Variants in PSD4 observed in about 807,000 individuals in gnomAD.
PSD4 encodes the protein PH and SEC7 domain-containing protein 4.
A neutral mutation model predicts 112.5 loss-of-function variants in PSD4; 59 were observed. That is an observed-to-expected ratio of 0.52 (90% confidence interval 0.43 to 0.65). PSD4 has a LOEUF of 0.65. Ranked by LOEUF, PSD4 falls within the 30% of genes least tolerant of loss-of-function variation. PSD4 has a pLI of 0.00. For missense variants in PSD4, 1,267 were observed against 1,352.6 expected (o/e 0.94, Z 0.99); for synonymous variants, 533 against 540.0 (o/e 0.99, Z 0.18).
intron 1 of PSD4, among the ~76,000 whole-genome samples, chr2:113,174,535 G>T (rs1032179308): frequency 1.2e-4 from 18 of 152,122 alleles, no homozygotes; most frequent in Non-Finnish European, 2.2e-4. Context: ...GGAAGGCCTG[G>T]GTTTGGGGTG....
In PSD4 at chr2:113,201,103, T is replaced by G; in HGVS notation, c.2914-55T>G. ...TGAGCTGTCCCTCACGATTCTAGCCTCCTCCCAACCTGGAGCCAGGATGGT... is the reference window on the plus strand; with the variant it reads ...TGAGCTGTCCCTCACGATTCTAGCCGCCTCCCAACCTGGAGCCAGGATGGT... On this transcript the variant is annotated intron_variant, in intron 16 of 16. Coordinates refer to ENST00000245796, the MANE Select transcript of PSD4 (RefSeq NM_012455.3). 2.6e-6 allele frequency: 4 copies of G among 1,553,686 alleles called. No homozygotes were observed. In the Admixed American group the frequency reaches 7.4e-5, roughly 29 times the overall value.
In PSD4 at chr2:113,182,426, G is replaced by A. The variant is rs370137021; in HGVS notation, c.-31G>A. On this transcript the variant is annotated 5_prime_UTR_variant, in exon 2 of 17. Coordinates refer to ENST00000245796, the MANE Select transcript of PSD4 (RefSeq NM_012455.3). ...GTGAGACCGTGAAAGCAGATGCTCC[G>A]GGGCACTCCTGGGCAGCTTTTGCTC... 2.5e-5 allele frequency: 39 copies of A among 1,555,466 alleles called. No individual in the cohort carries two copies. In the African/African-American group the frequency reaches 3.7e-4, roughly 15 times the overall value.
chr2:113,198,172 C>T (rs971532940), intron 14 of PSD4: 3 of 448,308 alleles, frequency 6.7e-6, no homozygotes, highest in African/African-American at 6.0e-5. Context: ...GGGATAAAGC[C>T]TCCCAGTTCA....
In PSD4 at chr2:113,182,442, G is replaced by C. The variant is rs201069097; in HGVS notation, c.-15G>C. On this transcript the variant is annotated 5_prime_UTR_variant, in exon 2 of 17. Coordinates refer to ENST00000245796, the MANE Select transcript of PSD4 (RefSeq NM_012455.3). Reference sequence around the variant, plus strand: ...AGATGCTCCGGGGCACTCCTGGGCAGCTTTTGCTCAGTGGATGATGGGTGA... The same window carrying C: ...AGATGCTCCGGGGCACTCCTGGGCACCTTTTGCTCAGTGGATGATGGGTGA... The C allele has an allele frequency of 4.8e-5, 77 of 1,590,362 alleles. No homozygotes were observed. The Middle Eastern group carries it at 8.4e-4, about 17-fold the overall frequency.
At chr2:113,180,949 G>A (rs1357222230) in intron 1 of PSD4, among the ~76,000 whole-genome samples, 7 of 152,006 alleles carry the variant, frequency 4.6e-5, no homozygotes, top group East Asian at 1.9e-4. Flanking sequence ...TGGGTGCAGC[G>A]GCTCACACCT....
chr2:113,197,898 A>G lies in PSD4; in HGVS notation c.2609A>G (p.Tyr870Cys). 1 of 1,587,986 alleles carries G rather than the reference A, an allele frequency of 6.3e-7. No individual in the cohort carries two copies. Residue 870 changes from tyrosine (Y) to cysteine (C), a missense_variant, in exon 14 of 17, where the codon TAC becomes TGC. Physicochemically the swap from Tyr to Cys is radical, Grantham distance 194. This residue lies in a region of PSD4 where 544 missense variants were observed against 648.6 expected (regional missense o/e 0.84). Coordinates refer to ENST00000245796, the MANE Select transcript of PSD4 (RefSeq NM_012455.3). ...FQLRTADWRL[Y>C]LFQAPTAKEM... ...CTGCGCACGGCTGACTGGCGCCTCT[A>G]CCTCTTCCAGGCACCGTAAGTCCCT...
In PSD4 at chr2:113,186,157, G is replaced by A. The variant is rs1283427212; in HGVS notation, c.1530G>A (p.Glu510=). Residue 510 remains glutamate (E), a synonymous_variant, in exon 5 of 17, where the codon GAG becomes GAA. Transcript: ENST00000245796. The part of the protein sequence containing the change: ...PSSLKKKEAG[E]APKPGEEVKS... ...CCTTGAAGAAAAAGGAGGCAGGGGAGGCCCCAAAACCAGGCGAGGAAGTAA... is the reference window on the plus strand; with the variant it reads ...CCTTGAAGAAAAAGGAGGCAGGGGAAGCCCCAAAACCAGGCGAGGAAGTAA... The A allele has an allele frequency of 1.6e-5, 26 of 1,614,058 alleles. No homozygotes were observed. The highest frequency in any genetic ancestry group is 2.1e-5 in the Non-Finnish European group (25 of 1,180,046).
intron 16 of PSD4, among the ~76,000 whole-genome samples, chr2:113,199,789 G>A (rs754457543): frequency 3.9e-5 from 6 of 152,128 alleles, no homozygotes; most frequent in Non-Finnish European, 5.9e-5. Context: ...TAAATGCCCC[G>A]TTTATGGTCT....
In PSD4 at chr2:113,201,815, G is replaced by C. The variant is rs548426185; in HGVS notation, c.*400G>C. Reference sequence around the variant, plus strand: ...CTTATGTGGTGTGCCCTTGGCTTCTGGGGGAGAGCTTGGGGCAGCAGAGGC... The same window carrying C: ...CTTATGTGGTGTGCCCTTGGCTTCTCGGGGAGAGCTTGGGGCAGCAGAGGC... On this transcript the variant is annotated 3_prime_UTR_variant, in exon 17 of 17. Transcript: ENST00000245796. 67 of 186,700 alleles carry C rather than the reference G, an allele frequency of 3.6e-4. No individual in the cohort carries two copies. Among genetic ancestry groups the C allele is most frequent in the Non-Finnish European group, 6.6e-4 (58 of 87,998 alleles). The allele number at this position is 186,700 out of a possible 1,614,324, so 11.6% of individuals were successfully genotyped here. A position where few individuals can be genotyped will look rare whatever the true frequency, so the allele number is the denominator to read the frequency against.
At chr2:113,185,677 C>G in intron 4 of PSD4, 200 bp from the exon 5 acceptor site, 3 of 1,548,130 alleles carry the variant, frequency 1.9e-6, no homozygotes, top group Non-Finnish European at 2.6e-6. Context: ...GTCCTGAGCC[C>G]TTAGTTGCCT....
intron 10 of PSD4, among the ~76,000 whole-genome samples, chr2:113,194,933 C>G (rs1006942944): frequency 1.3e-5 from 2 of 152,088 alleles, no homozygotes; most frequent in African/African-American, 4.8e-5. Context: ...TGCTAGGCAC[C>G]GCAAGAGCTA....
chr2:113,183,030 C>T lies in PSD4; in HGVS notation c.574C>T (p.Pro192Ser). 3.1e-6 allele frequency: 5 copies of T among 1,613,938 alleles called. No homozygotes were observed. Among genetic ancestry groups the T allele is most frequent in the Non-Finnish European group, 3.4e-6 (4 of 1,179,900 alleles). Reference protein sequence around the residue: ...AGLKCCLPTPPVDLPGDTGLH... With the variant: ...AGLKCCLPTPSVDLPGDTGLH... ...GCTGAAATGCTGTCTCCCCACGCCCCCTGTGGACCTCCCCGGGGACACGGG... is the reference window on the plus strand; with the variant it reads ...GCTGAAATGCTGTCTCCCCACGCCCTCTGTGGACCTCCCCGGGGACACGGG... Residue 192 changes from proline to serine, a missense_variant, in exon 2 of 17, where the codon CCT becomes TCT. By Grantham distance (74) the Pro-to-Ser change is moderately conservative. Around this residue, in one of 2 missense-constraint regions of PSD4, gnomAD observed 723 missense variants for 704.0 expected, o/e 1.03. Coordinates refer to ENST00000245796, the MANE Select transcript of PSD4 (RefSeq NM_012455.3).
chr2:113,180,869 G>A (rs750795053), intron 1 of PSD4, among the ~76,000 whole-genome samples: 2 of 152,114 alleles, frequency 1.3e-5, no homozygotes, highest in Non-Finnish European at 2.9e-5. Flanking sequence ...AAGCACGCAC[G>A]TAAGCCTTCA....
Position 113,198,835 on chromosome 2 carries a change from G to A in PSD4, c.2720G>A (p.Arg907His). The A allele has an allele frequency of 1.3e-6, 2 of 1,598,704 alleles. No individual in the cohort carries two copies. The highest frequency in any genetic ancestry group is 1.7e-6 in the Non-Finnish European group (2 of 1,178,260). The change falls in exon 15 of 17, where the codon CGC becomes CAC. Residue 907 changes from arginine to histidine, a missense_variant. This residue lies in a region of PSD4 where 544 missense variants were observed against 648.6 expected (regional missense o/e 0.84). Coordinates refer to ENST00000245796, the MANE Select transcript of PSD4 (RefSeq NM_012455.3). ...PPFPAAVGSQ[R>H]RFVRPILPVG... Reference sequence around the variant, plus strand: ...TTCCCCGCCGCTGTGGGCTCCCAGCGCAGATTCGTGCGGCCCATCCTGCCC... The same window carrying A: ...TTCCCCGCCGCTGTGGGCTCCCAGCACAGATTCGTGCGGCCCATCCTGCCC...
chr2:113,193,523 G>A, intron 8 of PSD4, 69 bp from the exon 9 acceptor site: 1 of 1,546,750 alleles, frequency 6.5e-7, no homozygotes, highest in South Asian at 1.1e-5. Context: ...ACCCCACGCA[G>A]TGTGGGCAGA....
At chr2:113,186,387 A>G in intron 5 of PSD4, 132 bp downstream of exon 5, 1 of 995,972 alleles carries the variant, frequency 1.0e-6, no homozygotes, top group Non-Finnish European at 1.4e-6. Flanking sequence ...GGATTATATG[A>G]GTGGGTACCA....
Position 113,186,205 on chromosome 2 carries a change from T to C in PSD4, c.1578T>C (p.Pro526=). 1 of 1,611,414 alleles carries C rather than the reference T, an allele frequency of 6.2e-7. No homozygotes were observed. Among genetic ancestry groups the C allele is most frequent in the Non-Finnish European group, 8.5e-7 (1 of 1,178,382 alleles). ...EEVKSEGTAR[P]AETGDVQPDI... is the part of the protein sequence containing the mutation. ...TAAAGAGTGAAGGAACAGCCAGGCC[T>C]GCAGAGACTGGAGACGTCCAGCCTG... The change falls in exon 5 of 17, where the codon CCT becomes CCC. Residue 526 remains proline (P), a synonymous_variant. Coordinates refer to ENST00000245796, the MANE Select transcript of PSD4 (RefSeq NM_012455.3).
chr2:113,184,239 T>C (rs558170723), intron 2 of PSD4, among the ~76,000 whole-genome samples: 1 of 152,322 alleles, frequency 6.6e-6, no homozygotes, highest in South Asian at 2.1e-4. Context: ...AGAGCAGCTC[T>C]ATTACCAGAG....
rs1688807147 is a variant in PSD4 at position 113,202,774 on chromosome 2, C to G, written c.*1359C>G. On this transcript the variant is annotated 3_prime_UTR_variant, in exon 17 of 17. Transcript: ENST00000245796. ...CCTTCCTGCTAGGCCACCCTCCTCC[C>G]TTCCCATGCTTGTAACCAGCTCTGG... The G allele has an allele frequency of 6.6e-6, 1 of 152,460 alleles. No homozygotes were observed. The highest frequency in any genetic ancestry group is 1.5e-5 in the Non-Finnish European group (1 of 68,182). 9.4% of individuals were successfully genotyped at this position (152,460 alleles called of 1,614,324 possible).
Sources: allele counts gnomAD v4.1 joint callset (sites outside exome capture counted in the v4.1 genomes callset), GRCh38; gene constraint gnomAD v4.1.1; regional missense constraint gnomAD v4.1.1; transcripts MANE v1.5; gene names NCBI Gene and HGNC (gene_info 2026-07-23, HGNC 2026-07-21).